FMO5: variants seen among roughly 807,000 people sequenced by gnomAD.
FMO5 encodes the protein flavin containing dimethylaniline monoxygenase 5.
Under a neutral mutation model 43.6 loss-of-function variants are expected in FMO5, and 51 were observed. The observed-to-expected ratio is 1.17, with a 90% CI of 0.93 to 1.48. The LOEUF is 1.48. Among genes scored for constraint, FMO5 ranks in the 40% most tolerant of loss-of-function variants. FMO5 has a pLI of 0.00. For missense variants in FMO5, 644 were observed against 643.0 expected, an observed-to-expected ratio of 1.00 and a Z score of -0.02; for synonymous variants, 187 against 216.5, an observed-to-expected ratio of 0.86 and a Z score of 1.20.
chr1:147,195,760 T>C (rs587740520), intron 7 of FMO5, among the ~76,000 whole-genome samples: 4 of 152,270 alleles, frequency 2.6e-5, no homozygotes, highest in Admixed American at 2.6e-4. Flanking sequence ...CTCCATAAAA[T>C]TGTGGAATAT....
chr1:147,184,392 T>C (rs1462340799), downstream of FMO5: 1 of 1,266,938 alleles, frequency 7.9e-7, no homozygotes, highest in African/African-American at 1.5e-5. The surrounding 1 kb of genome is among the most constrained non-coding windows in gnomAD (Gnocchi z 4.4). Flanking sequence ...TGATACATTA[T>C]TAACCAAAAT....
At chr1:147,225,095 GCA>G (rs1288825514) in intron 1 of FMO5, 29 bp from the exon 2 acceptor site, 2 of 1,609,570 alleles carry the variant, frequency 1.2e-6, no homozygotes, top group African/African-American at 2.7e-5. Flanking sequence ...AAGACAAAAA[GCA>G]CACATCGGTT....
intron 7 of FMO5, among the ~76,000 whole-genome samples, chr1:147,193,394 T>C (rs1475099261): frequency 2.0e-5 from 3 of 152,154 alleles, no homozygotes. Context: ...TTGATTCTTC[T>C]CTTTTCTTCT....
At chr1:147,188,519 T>C (rs1571132439) in intron 8 of FMO5, among the ~76,000 whole-genome samples, 1 of 32,288 alleles carries the variant, frequency 3.1e-5, no homozygotes, top group Non-Finnish European at 5.1e-5. Context: ...TGAGACCCCA[T>C]ATCAAAAAAA....
chr1:147,192,216 A>G (rs1657002931), intron 7 of FMO5, among the ~76,000 whole-genome samples: 1 of 152,012 alleles, frequency 6.6e-6, no homozygotes, highest in African/African-American at 2.4e-5. Context: ...CTCCTTGAAG[A>G]GGTCCTTCAC....
chr1:147,216,026 C>G (rs1661928692), intron 2 of FMO5, 84 bp from the exon 3 acceptor site: 1 of 1,007,326 alleles, frequency 9.9e-7, no homozygotes, highest in East Asian at 2.4e-5. Flanking sequence ...AAAAAGTTTT[C>G]TGAAAGAAGT....
chr1:147,187,527 G>A (rs1655843490), intron 8 of FMO5, among the ~76,000 whole-genome samples: 1 of 152,160 alleles, frequency 6.6e-6, no homozygotes, highest in Admixed American at 6.5e-5. Context: ...TTAGGTTCTT[G>A]AAGGATGTGA....
intron 5 of FMO5, among the ~76,000 whole-genome samples, chr1:147,211,862 T>C (rs1359831127): frequency 1.3e-5 from 2 of 152,236 alleles, no homozygotes; most frequent in African/African-American, 4.8e-5. Flanking sequence ...TGCTACAGTT[T>C]GGACGCTATA....
intron 4 of FMO5, 53 bp from the exon 5 acceptor site, chr1:147,212,588 ATT>A: frequency 6.6e-7 from 1 of 1,524,614 alleles, no homozygotes; most frequent in Non-Finnish European, 8.9e-7. Context: ...GATAGATATC[ATT>A]TGTCAAGTCA....
At chr1:147,197,643 G>T in intron 7 of FMO5, among the ~76,000 whole-genome samples, 1 of 152,216 alleles carries the variant, frequency 6.6e-6, no homozygotes, top group South Asian at 2.1e-4. Flanking sequence ...GCCACCCTGT[G>T]AAGAAGTTCC....
chr1:147,225,343 A>T, upstream of FMO5: 1 of 342,024 alleles, frequency 2.9e-6, no homozygotes, highest in Admixed American at 4.2e-5. Context: ...GAGACTCAAC[A>T]GGCGGCTGTT....
intron 2 of FMO5, chr1:147,224,022 T>C (rs1571449265): frequency 4.7e-6 from 2 of 421,084 alleles, no homozygotes; most frequent in Non-Finnish European, 4.7e-6. Context: ...CTGGTGGTGA[T>C]TGCACACGAT....
At chr1:147,220,744 G>C (rs1662859588) in intron 2 of FMO5, among the ~76,000 whole-genome samples, 1 of 151,988 alleles carries the variant, frequency 6.6e-6, no homozygotes, top group Non-Finnish European at 1.5e-5. Flanking sequence ...TCAATCTTCT[G>C]CATATGGCTA....
chr1:147,212,399 G>T lies in FMO5; in HGVS notation c.624C>A (p.Ala208=). ...ATAATTGAGTGATTCAAACCTGCTT[G>T]GCTGTTTGGCTAATCTCTACAGCCA... is the stretch of plus-strand genomic sequence containing the variant. ...GDLAVEISQT[A]KQVFLSTRRG... The change falls in exon 5 of 9, where the codon GCC becomes GCA. Residue 208 remains alanine, a synonymous_variant. Transcript: ENST00000254090. The T allele has an allele frequency of 6.2e-7, 1 of 1,613,988 alleles. No homozygotes were observed.
chr1:147,217,001 G>A (rs1414049685), intron 2 of FMO5, among the ~76,000 whole-genome samples: 5 of 152,160 alleles, frequency 3.3e-5, no homozygotes, highest in Non-Finnish European at 7.3e-5. Context: ...AGCACTTTGG[G>A]AGGCTGAGGT....
chr1:147,208,246 C>T (rs1553922866), intron 6 of FMO5, among the ~76,000 whole-genome samples: 1 of 152,048 alleles, frequency 6.6e-6, no homozygotes, highest in African/African-American at 2.4e-5. Context: ...GTAAATGACG[C>T]ACTGTCCTCA....
rs918201541 is a variant in FMO5 at position 147,190,592 on chromosome 1, G to A, written c.1184-343C>T. Among the ~76,000 whole-genome samples the A allele has an allele frequency of 8.5e-5, 13 of 152,134 alleles. 1 individual carries two copies. The highest frequency in any genetic ancestry group is 2.9e-4 in the African/African-American group (12 of 41,474). On this transcript the variant is annotated intron_variant, in intron 7 of 8. Transcript: ENST00000254090. ...TGGAAAATTAGTTACAAAGTTAAAG[G>A]GCAGGGGAGTGGGAAAACACAGCTG... is the stretch of plus-strand genomic sequence containing the variant.
intron 2 of FMO5, among the ~76,000 whole-genome samples, chr1:147,223,063 T>C (rs893203097): frequency 6.6e-6 from 1 of 152,242 alleles, no homozygotes; most frequent in East Asian, 1.9e-4. Flanking sequence ...AAGTGGATAC[T>C]ATTATTATCC....
At chr1:147,221,747 T>C (rs782201652) in intron 2 of FMO5, among the ~76,000 whole-genome samples, 11 of 152,210 alleles carry the variant, frequency 7.2e-5, no homozygotes, top group Non-Finnish European at 1.6e-4. Context: ...GAATGACAGA[T>C]CTCACCTCTT....
Sources: gnomAD v4.1 joint callset for allele counts (sites outside exome capture counted in the v4.1 genomes callset) on GRCh38, gnomAD v4.1.1 for gene constraint, Gnocchi (gnomAD v3.1) non-coding constraint, MANE v1.5 for transcripts, NCBI Gene and HGNC (gene_info 2026-07-23, HGNC 2026-07-21) for gene names.